The following PCDHGB1 variants were observed in gnomAD, a reference collection of about 807,000 sequenced individuals.
PCDHGB1 encodes the protein protocadherin gamma-B1.
In PCDHGB1, 34 loss-of-function variants were observed where a neutral mutation model predicts 56.6. That is an observed-to-expected ratio of 0.60 (90% CI 0.46 to 0.80). The LOEUF (loss-of-function observed/expected upper bound fraction) is 0.80, where lower values mean the gene tolerates loss of function less well. PCDHGB1 is among the 30% of genes least tolerant of loss of function. The pLI is 0.00. For synonymous variants in PCDHGB1, 561 were observed against 505.9 expected (o/e 1.11, Z -1.46); for missense variants, 1,278 against 1,204.6 (o/e 1.06, Z -0.90).
At chr5:141,406,072 CTTT>C (rs530474569) in intron 1 of PCDHGB1, among the ~76,000 whole-genome samples, 2 of 141,478 alleles carry the variant, frequency 1.4e-5, no homozygotes. Context: ...ATTCTTACTC[CTTT>C]TTTTTTTTTT....
At chr5:141,355,830 C>G (rs1245004655) in intron 1 of PCDHGB1, 7 of 1,612,458 alleles carry the variant, frequency 4.3e-6, no homozygotes, top group Non-Finnish European at 5.9e-6. Flanking sequence ...TTCACCACCT[C>G]GTTCTCACGG....
chr5:141,416,169 TAA>T (rs1350204040), intron 1 of PCDHGB1: 1 of 152,706 alleles, frequency 6.5e-6, no homozygotes, highest in African/African-American at 2.4e-5. Flanking sequence ...TTGAATATAC[TAA>T]GTTTTTCATT....
chr5:141,370,988 A>G (rs760427095), intron 1 of PCDHGB1: 1 of 1,613,750 alleles, frequency 6.2e-7, no homozygotes, highest in African/African-American at 1.3e-5. Flanking sequence ...TACTGAAAGC[A>G]CCCCTGGACA....
chr5:141,418,006 C>T, intron 1 of PCDHGB1: 7 of 1,613,896 alleles, frequency 4.3e-6, no homozygotes, highest in Non-Finnish European at 5.9e-6. Flanking sequence ...TGGTGGGGAA[C>T]CTCGCTAAGG....
At chr5:141,384,819 G>C (rs1251597245) in intron 1 of PCDHGB1, 2 of 1,613,524 alleles carry the variant, frequency 1.2e-6, no homozygotes, top group African/African-American at 1.3e-5. Flanking sequence ...CCCTCAAGCA[G>C]AGCCTCGTGG....
chr5:141,500,144 C>T (rs2099796717), intron 2 of PCDHGB1, among the ~76,000 whole-genome samples: 1 of 151,426 alleles, frequency 6.6e-6, no homozygotes, highest in South Asian at 2.1e-4. Context: ...CTAAACTTTT[C>T]TTTGTGTAAT....
intron 1 of PCDHGB1, among the ~76,000 whole-genome samples, chr5:141,407,377 C>A (rs1436703926): frequency 6.6e-6 from 1 of 152,170 alleles, no homozygotes; most frequent in Non-Finnish European, 1.5e-5. Context: ...TCCATGAAGG[C>A]TTGTATGTCA....
chr5:141,410,849 C>CTTTT lies in PCDHGB1; in HGVS notation c.2409+58199_2409+58202dup, dbSNP rs759346998. The CTTTT allele has an allele frequency of 9.0e-3, 1,245 of 137,660 alleles. 106 individuals are homozygous for CTTTT. The highest frequency in any genetic ancestry group is 0.023 in the African/African-American group (378 of 16,590). 8.5% of individuals were successfully genotyped at this position (137,660 alleles called of 1,614,324 possible). On this transcript the variant is annotated intron_variant, in intron 1 of 3. Coordinates refer to ENST00000523390, the MANE Select transcript of PCDHGB1 (RefSeq NM_018922.3). The stretch of plus-strand genomic sequence containing the variant: ...CAGACTGAAGATATTTTGTCTTTGT[C>CTTTT]TTTTTTTTTTTTTTTTTTTTTTGAG...
chr5:141,469,756 A>G (rs2099210350), intron 1 of PCDHGB1, among the ~76,000 whole-genome samples: 1 of 152,252 alleles, frequency 6.6e-6, no homozygotes. Context: ...ACAAAAATAC[A>G]TATATACCAG....
intron 1 of PCDHGB1, chr5:141,386,080 T>C (rs752371819): frequency 1.3e-5 from 2 of 152,248 alleles, no homozygotes; most frequent in Non-Finnish European, 2.9e-5. Flanking sequence ...GTTTTAGTGG[T>C]ACAGCCAGAT....
intron 1 of PCDHGB1, chr5:141,384,788 G>A: frequency 1.2e-6 from 2 of 1,613,236 alleles, no homozygotes; most frequent in Non-Finnish European, 1.7e-6. Context: ...CGCACGGCTC[G>A]GGCCCTGCTG....
rs960870975 is a variant in PCDHGB1 at position 141,417,761 on chromosome 5, C to T, written c.2409+65092C>T. On this transcript the variant is annotated intron_variant, in intron 1 of 3. Coordinates refer to ENST00000523390, the MANE Select transcript of PCDHGB1 (RefSeq NM_018922.3). ...ACACCAGATTGCCAGCTCCGAGACC[C>T]GGGACTCCTCCTGTCCTGGGCCGAA... is the stretch of plus-strand genomic sequence containing the variant. 1.8e-5 allele frequency: 26 copies of T among 1,438,736 alleles called. No homozygotes were observed. The East Asian group carries it at 5.0e-4, about 28-fold the overall frequency. The allele number at this position is 1,438,736 out of a possible 1,614,324, so 89.1% of individuals were successfully genotyped here.
chr5:141,354,144 A>T (rs1198413600), intron 1 of PCDHGB1, among the ~76,000 whole-genome samples: 1 of 152,216 alleles, frequency 6.6e-6, no homozygotes, highest in Non-Finnish European at 1.5e-5. Context: ...ATAATACTGA[A>T]TGTGTCATGT....
intron 1 of PCDHGB1, chr5:141,357,359 AC>A: frequency 1.2e-6 from 2 of 1,614,134 alleles, no homozygotes; most frequent in Non-Finnish European, 1.7e-6. Flanking sequence ...AGACGCTGGC[AC>A]AAGTCACGCC....
At chr5:141,371,025 G>A (rs752262300) in intron 1 of PCDHGB1, 1 of 1,613,988 alleles carries the variant, frequency 6.2e-7, no homozygotes, top group Non-Finnish European at 8.5e-7. Flanking sequence ...TCACCACCTG[G>A]TCCTCACAGC....
In PCDHGB1 at chr5:141,486,474, C is replaced by T. The variant is rs1594589698; in HGVS notation, c.2410-8333C>T. On this transcript the variant is annotated intron_variant, in intron 1 of 3. Transcript: ENST00000523390. This position sits in a 1 kb window ranked among gnomAD's most constrained non-coding sequence, Gnocchi z 5.0. ...ACTGCTTCTGATGCTGGGAACCCTCCTCTCAGTACCCACAGAACTATTTTC... is the reference window on the plus strand; with the variant it reads ...ACTGCTTCTGATGCTGGGAACCCTCTTCTCAGTACCCACAGAACTATTTTC... 1 of 1,614,016 alleles carries T rather than the reference C, an allele frequency of 6.2e-7. No homozygotes were observed. Among genetic ancestry groups the T allele is most frequent in the South Asian group, 1.1e-5 (1 of 91,082 alleles).
At chr5:141,365,830 C>T in intron 1 of PCDHGB1, 6 of 1,613,946 alleles carry the variant, frequency 3.7e-6, no homozygotes, top group Non-Finnish European at 5.1e-6. Flanking sequence ...AGGGGGCGCC[C>T]TTGTCCTCCT....
chr5:141,362,172 G>T (rs576630104), intron 1 of PCDHGB1: 108 of 1,613,978 alleles, frequency 6.7e-5, no homozygotes, highest in Middle Eastern at 4.9e-4. Flanking sequence ...GCGACCGCCG[G>T]GAGCCCTCTG....
chr5:141,477,845 GT>G lies in PCDHGB1; in HGVS notation c.2410-16961del, dbSNP rs1562065234. ...ATATCCTCGGCCAGGTGGGAGCTCG[GT>G]GGAGATGCTGCCTCGAGGTACCTCA... is the stretch of plus-strand genomic sequence containing the variant. On this transcript the variant is annotated intron_variant, in intron 1 of 3. Coordinates refer to ENST00000523390, the MANE Select transcript of PCDHGB1 (RefSeq NM_018922.3). This position sits in a 1 kb window ranked among gnomAD's most constrained non-coding sequence, Gnocchi z 4.9. 1 of 1,614,038 alleles carries G rather than the reference GT, an allele frequency of 6.2e-7. No homozygotes were observed. Among genetic ancestry groups the G allele is most frequent in the East Asian group, 2.2e-5 (1 of 44,896 alleles).
Sources: allele counts gnomAD v4.1 joint callset (sites outside exome capture counted in the v4.1 genomes callset), GRCh38; gene constraint gnomAD v4.1.1; non-coding constraint Gnocchi (gnomAD v3.1); transcripts MANE v1.5; gene names NCBI Gene and HGNC (gene_info 2026-07-23, HGNC 2026-07-21).